Variants in ATRNL1 observed in about 807,000 individuals in gnomAD.
The protein encoded by ATRNL1 is attractin like 1.
Under a neutral mutation model 182.7 loss-of-function variants are expected in ATRNL1, and 95 were observed. That is an observed-to-expected ratio of 0.52 (90% CI 0.44 to 0.62). The LOEUF (loss-of-function observed/expected upper bound fraction) is 0.62, where lower values mean the gene tolerates loss of function less well. ATRNL1 is among the 20% of genes least tolerant of loss of function. The pLI, the probability that ATRNL1 is intolerant of heterozygous loss-of-function variation, is 0.00. For missense variants in ATRNL1, 1,471 were observed against 1,679.5 expected, an observed-to-expected ratio of 0.88 and a Z score of 2.17; for synonymous variants, 576 against 568.3, an observed-to-expected ratio of 1.01 and a Z score of -0.19.
intron 26 of ATRNL1, among the ~76,000 whole-genome samples, chr10:115,612,746 T>C (rs1266130447): frequency 6.6e-6 from 1 of 152,158 alleles, no homozygotes; most frequent in Non-Finnish European, 1.5e-5. Flanking sequence ...CAGATGTTCT[T>C]TGTAATAGTT....
At chr10:115,306,519 A>T (rs1024617355) in intron 17 of ATRNL1, among the ~76,000 whole-genome samples, 2 of 151,252 alleles carry the variant, frequency 1.3e-5, no homozygotes, top group Admixed American at 6.6e-5. Flanking sequence ...TTTAAAATTA[A>T]TTTTTTTTTA....
intron 26 of ATRNL1, among the ~76,000 whole-genome samples, chr10:115,723,754 C>T (rs1555058870): frequency 6.6e-6 from 1 of 151,966 alleles, no homozygotes; most frequent in African/African-American, 2.4e-5. Context: ...GACAGGATTT[C>T]ACCATGTTGG....
intron 28 of ATRNL1, among the ~76,000 whole-genome samples, chr10:115,928,044 C>G (rs1414302286): frequency 2.0e-5 from 3 of 151,934 alleles, no homozygotes; most frequent in Non-Finnish European, 2.9e-5. Context: ...TGCTCTTTTC[C>G]CATTTGTTAA....
intron 8 of ATRNL1, among the ~76,000 whole-genome samples, chr10:115,207,841 C>G (rs1554894120): frequency 6.6e-6 from 1 of 151,906 alleles, no homozygotes. Flanking sequence ...TCCCACTCCC[C>G]CATCCCGATC....
At chr10:115,807,781 A>G (rs1473895214) in intron 27 of ATRNL1, among the ~76,000 whole-genome samples, 1 of 152,212 alleles carries the variant, frequency 6.6e-6, no homozygotes, top group African/African-American at 2.4e-5. Flanking sequence ...AACAAATTTT[A>G]GTTCTAGCTT....
rs1290388814 is a variant in ATRNL1 at position 115,948,562 on chromosome 10, C to T, written c.*3783C>T. 2.6e-5 allele frequency: 4 copies of T among 152,144 alleles called. No homozygotes were observed. The highest frequency in any genetic ancestry group is 2.6e-4 in the Admixed American group (4 of 15,268). 9.4% of individuals were successfully genotyped at this position (152,144 alleles called of 1,614,324 possible). A position where few individuals can be genotyped will look rare whatever the true frequency, so the allele number is the denominator to read the frequency against. On this transcript the variant is annotated 3_prime_UTR_variant, in exon 29 of 29. Transcript: ENST00000355044. ...TTAGATTCAGAAACACTGGGGTAGG[C>T]CCTGGAGAGCAGTACTCTTAACAAG...
chr10:115,286,928 G>A (rs1244439682), intron 15 of ATRNL1, among the ~76,000 whole-genome samples: 1 of 151,862 alleles, frequency 6.6e-6, no homozygotes, highest in Non-Finnish European at 1.5e-5. Context: ...ATAATCTAGA[G>A]ATGATTTTAA....
intron 25 of ATRNL1, among the ~76,000 whole-genome samples, chr10:115,536,312 A>C (rs1292876147): frequency 6.6e-6 from 1 of 152,118 alleles, no homozygotes; most frequent in Non-Finnish European, 1.5e-5. Context: ...AGCCTGGGCA[A>C]TGGCGGGCGC....
chr10:115,790,256 G>GA (rs10551374), intron 27 of ATRNL1, among the ~76,000 whole-genome samples: 21,934 of 143,006 alleles, frequency 0.15, 1,944 homozygotes, highest in Non-Finnish European at 0.21. Context: ...AGTTTAAAAA[G>GA]AAAAAAAAAA....
intron 26 of ATRNL1, among the ~76,000 whole-genome samples, chr10:115,598,359 T>TTATG (rs1344439644): frequency 6.7e-6 from 1 of 149,470 alleles, no homozygotes; most frequent in African/African-American, 2.5e-5. Flanking sequence ...AATTATTTAT[T>TTATG]TATTTATTTA....
intron 28 of ATRNL1, among the ~76,000 whole-genome samples, chr10:115,899,104 C>T (rs1952282600): frequency 6.6e-6 from 1 of 152,060 alleles, no homozygotes. Flanking sequence ...CTATCCTTCC[C>T]CCATCCCCCA....
At chr10:115,465,155 C>A (rs985871314) in intron 22 of ATRNL1, among the ~76,000 whole-genome samples, 3 of 151,656 alleles carry the variant, frequency 2.0e-5, no homozygotes, top group Admixed American at 6.6e-5. Flanking sequence ...AAATTTCAAT[C>A]TAAGGTTATC....
At chr10:115,419,337 C>T (rs903062786) in intron 20 of ATRNL1, among the ~76,000 whole-genome samples, 7 of 151,874 alleles carry the variant, frequency 4.6e-5, no homozygotes, top group Non-Finnish European at 1.0e-4. Context: ...AATCACATAA[C>T]CACAAAGGAA....
rs144970167 is a variant in ATRNL1, at chr10:115,835,967, C to A, written c.3904-11910C>A. Among the ~76,000 whole-genome samples, 425 of 152,308 alleles carry A rather than the reference C, an allele frequency of 2.8e-3. 1 individual carries two copies. The highest frequency in any genetic ancestry group is 0.01 in the African/African-American group (416 of 41,570). On this transcript the variant is annotated intron_variant, in intron 27 of 28. Coordinates refer to ENST00000355044, the MANE Select transcript of ATRNL1 (RefSeq NM_207303.4). Reference sequence around the variant, plus strand: ...CACATTCTGCTCTGTCCCCCCACACCGATGTTGTTCCTGTGGCTACTTCCC... The same window carrying A: ...CACATTCTGCTCTGTCCCCCCACACAGATGTTGTTCCTGTGGCTACTTCCC...
At chr10:115,638,113 C>T (rs1316133331) in intron 26 of ATRNL1, among the ~76,000 whole-genome samples, 2 of 152,036 alleles carry the variant, frequency 1.3e-5, no homozygotes, top group Non-Finnish European at 2.9e-5. Flanking sequence ...TCCAGTCCTG[C>T]AAACTTCATT....
At chr10:115,358,315 G>C (rs1856592067) in intron 19 of ATRNL1, among the ~76,000 whole-genome samples, 1 of 151,596 alleles carries the variant, frequency 6.6e-6, no homozygotes, top group African/African-American at 2.4e-5. Context: ...TTTGTTGCCT[G>C]CAAATTATCT....
At chr10:115,648,941 G>T (rs782633251) in intron 26 of ATRNL1, among the ~76,000 whole-genome samples, 7 of 152,026 alleles carry the variant, frequency 4.6e-5, no homozygotes, top group Non-Finnish European at 7.4e-5. Context: ...TGAGAATCAG[G>T]TCTGTGTTCA....
intron 19 of ATRNL1, among the ~76,000 whole-genome samples, chr10:115,350,546 G>A (rs944033136): frequency 1.3e-5 from 2 of 151,990 alleles, no homozygotes; most frequent in Non-Finnish European, 2.9e-5. Flanking sequence ...TTGCCCCAGT[G>A]TATGTTCTTG....
chr10:115,210,509 AGTTT>A (rs2144371519), intron 8 of ATRNL1, among the ~76,000 whole-genome samples: 1 of 151,880 alleles, frequency 6.6e-6, no homozygotes, highest in East Asian at 1.9e-4. Context: ...CACAACCACC[AGTTT>A]GTTCTCCATT....
Sources: gnomAD v4.1 joint callset for allele counts (sites outside exome capture counted in the v4.1 genomes callset) on GRCh38, gnomAD v4.1.1 for gene constraint, MANE v1.5 for transcripts, NCBI Gene and HGNC (gene_info 2026-07-23, HGNC 2026-07-21) for gene names.